The following LRRC9 variants were observed in gnomAD, a reference collection of about 807,000 sequenced individuals.
LRRC9 encodes the protein leucine-rich repeat-containing protein 9.
In LRRC9, 122 loss-of-function variants were observed where a neutral mutation model predicts 63.2. That is an observed-to-expected ratio of 1.93 (90% CI 1.67 to 2.24). The LOEUF is 2.24. Among genes scored for constraint, LRRC9 ranks in the 30% most tolerant of loss-of-function variants. LRRC9 has a pLI of 0.00. For missense variants in LRRC9, 1,071 were observed against 627.7 expected (o/e 1.71, Z -7.55); for synonymous variants, 366 against 213.1 (o/e 1.72, Z -6.25).
In LRRC9 at chr14:59,985,155, GT is replaced by G. The variant is rs1482790237; in HGVS notation, c.2144del (p.Leu715Ter). The G allele has an allele frequency of 1.4e-6, 1 of 693,204 alleles. No homozygotes were observed. Among genetic ancestry groups the G allele is most frequent in the Admixed American group, 2.0e-5 (1 of 49,350 alleles). The allele number at this position is 693,204 out of a possible 1,614,324, so 42.9% of individuals were successfully genotyped here. A position where few individuals can be genotyped will look rare whatever the true frequency, so the allele number is the denominator to read the frequency against. On this transcript the variant is annotated frameshift_variant, in exon 17 of 32. Coordinates refer to ENST00000445360, the Ensembl canonical transcript of LRRC9. LOFTEE classifies it high-confidence loss of function. The stretch of plus-strand genomic sequence containing the variant: ...TGAGTAAATTGAGAGATCTCTCCAA[GT>G]TAACAGGACTTCGAAAACTAAACAT...
At chr14:60,057,712 G>A (rs1010757399) in intron 30 of LRRC9, 166 bp from the exon 31 acceptor site, 1 of 399,698 alleles carries the variant, frequency 2.5e-6, no homozygotes, top group African/African-American at 2.0e-5. Flanking sequence ...AAAAAGCTCT[G>A]CTGATTTTAC....
At chr14:59,989,554 G>C (rs1887833693) in intron 17 of LRRC9, among the ~76,000 whole-genome samples, 1 of 151,626 alleles carries the variant, frequency 6.6e-6, no homozygotes, top group Middle Eastern at 3.2e-3. Context: ...GATTTATATT[G>C]TTATTTTATG....
intron 4 of LRRC9, among the ~76,000 whole-genome samples, 186 bp downstream of exon 4, chr14:59,931,244 T>A (rs1889678912): frequency 6.6e-6 from 1 of 152,104 alleles, no homozygotes; most frequent in African/African-American, 2.4e-5. Flanking sequence ...TGTACATTAC[T>A]TTCTTTACTC....
At chr14:59,969,347 C>A (rs1030154189) in intron 12 of LRRC9, 6 of 152,164 alleles carry the variant, frequency 3.9e-5, no homozygotes, top group African/African-American at 1.4e-4. Flanking sequence ...AGGTTAAAGT[C>A]TCCTGATCTT....
intron 15 of LRRC9, among the ~76,000 whole-genome samples, chr14:59,978,539 G>A (rs940042931): frequency 3.3e-5 from 5 of 152,092 alleles, no homozygotes; most frequent in African/African-American, 1.2e-4. Flanking sequence ...ATTTGACATA[G>A]TAGAAACAAG....
intron 23 of LRRC9, among the ~76,000 whole-genome samples, chr14:60,010,585 T>C (rs1890186548): frequency 6.6e-6 from 1 of 152,244 alleles, no homozygotes; most frequent in African/African-American, 2.4e-5. Context: ...TCGTTACTTA[T>C]GCAAATTTCT....
chr14:59,955,636 A>G (rs1429399733), intron 8 of LRRC9, among the ~76,000 whole-genome samples: 1 of 151,034 alleles, frequency 6.6e-6, no homozygotes, highest in East Asian at 1.9e-4. Context: ...TCATGTCTCT[A>G]CCTCCTTCAG....
chr14:60,014,544 T>G (rs1023289850), intron 23 of LRRC9, among the ~76,000 whole-genome samples: 7 of 152,126 alleles, frequency 4.6e-5, no homozygotes, highest in African/African-American at 1.7e-4. Context: ...GGGTTGATGT[T>G]TCTCTTTCAC....
chr14:60,027,613 A>G lies in LRRC9; in HGVS notation c.3704-271A>G, dbSNP rs1376178291. On this transcript the variant is annotated intron_variant, in intron 27 of 31. Transcript: ENST00000445360. This position sits in a 1 kb window ranked among gnomAD's most constrained non-coding sequence, Gnocchi z 4.0. Reference sequence around the variant, plus strand: ...ATACCGACTATTTTAACACTTAATTACCAAACAGACATATTAGATCAATTC... The same window carrying G: ...ATACCGACTATTTTAACACTTAATTGCCAAACAGACATATTAGATCAATTC... Among the ~76,000 whole-genome samples the G allele has an allele frequency of 6.6e-6, 1 of 152,060 alleles. No homozygotes were observed. Among genetic ancestry groups the G allele is most frequent in the Admixed American group, 6.6e-5 (1 of 15,238 alleles).
intron 29 of LRRC9, among the ~76,000 whole-genome samples, chr14:60,047,414 C>T (rs544386668): frequency 1.2e-4 from 19 of 152,114 alleles, no homozygotes; most frequent in African/African-American, 4.6e-4. Flanking sequence ...AGATCCATCT[C>T]ACATGCAAAG....
chr14:60,063,630 C>T (rs1555390455), downstream of LRRC9: 2 of 353,612 alleles, frequency 5.7e-6, no homozygotes, highest in Non-Finnish European at 5.1e-6. Context: ...CATCAGACTA[C>T]AATTTGAAAA....
At chr14:59,946,768 C>A (rs1472788920) in intron 8 of LRRC9, among the ~76,000 whole-genome samples, 1 of 147,068 alleles carries the variant, frequency 6.8e-6, no homozygotes, top group African/African-American at 2.5e-5. Flanking sequence ...TTGGTTTTTT[C>A]TTCTTGCGAT....
intron 31 of LRRC9, 71 bp from the exon 33 acceptor site, chr14:60,063,252 A>G: frequency 1.5e-6 from 1 of 676,128 alleles, no homozygotes; most frequent in South Asian, 1.6e-5. Context: ...TTGCAGAATT[A>G]CCTTAAGTTA....
chr14:60,008,925 T>C (rs1393003201), intron 23 of LRRC9, among the ~76,000 whole-genome samples: 1 of 152,228 alleles, frequency 6.6e-6, no homozygotes, highest in African/African-American at 2.4e-5. Flanking sequence ...TTCTGTTTTC[T>C]GGCCCATCCT....
At chr14:60,039,678 T>G (rs1222806200) in intron 29 of LRRC9, among the ~76,000 whole-genome samples, 1 of 152,132 alleles carries the variant, frequency 6.6e-6, no homozygotes, top group African/African-American at 2.4e-5. Context: ...GTCTTGCTAG[T>G]GGCCTATCAG....
intron 23 of LRRC9, among the ~76,000 whole-genome samples, chr14:60,014,420 G>A (rs1428221645): frequency 6.7e-6 from 1 of 150,094 alleles, no homozygotes; most frequent in African/African-American, 2.5e-5. Context: ...ACTTTCTTTA[G>A]TCATTTCTTA....
chr14:60,004,881 T>C lies in LRRC9; in HGVS notation c.2842+1083T>C, dbSNP rs1173660517. On this transcript the variant is annotated intron_variant, in intron 21 of 31. Transcript: ENST00000445360. This position sits in a 1 kb window ranked among gnomAD's most constrained non-coding sequence, Gnocchi z 4.8. ...AAAGAGAAATATGTATATGTGTGTA[T>C]ACACACACACACACACACACACACT... 1.3e-5 allele frequency among the ~76,000 whole-genome samples: 2 copies of C among 150,242 alleles called. No homozygotes were observed. The highest frequency in any genetic ancestry group is 4.9e-5 in the African/African-American group (2 of 40,992).
chr14:59,950,680 T>C (rs1883017220), intron 8 of LRRC9, among the ~76,000 whole-genome samples: 1 of 135,306 alleles, frequency 7.4e-6, no homozygotes, highest in East Asian at 2.4e-4. Context: ...GGAGCTCTTT[T>C]AGGGCAGGCC....
At chr14:59,939,563 C>T (rs1040597890) in intron 7 of LRRC9, among the ~76,000 whole-genome samples, 4 of 151,774 alleles carry the variant, frequency 2.6e-5, no homozygotes, top group Non-Finnish European at 4.4e-5. Flanking sequence ...GTGGATGGTT[C>T]GATGCATGTT....
Sources: gnomAD v4.1 joint callset for allele counts (sites outside exome capture counted in the v4.1 genomes callset) on GRCh38, gnomAD v4.1.1 for gene constraint, Gnocchi (gnomAD v3.1) non-coding constraint, MANE v1.5 for transcripts, NCBI Gene and HGNC (gene_info 2026-07-23, HGNC 2026-07-21) for gene names.